PDE11A: variants seen among roughly 807,000 people sequenced by gnomAD.
PDE11A encodes dual 3',5'-cyclic-AMP and -GMP phosphodiesterase 11A.
A neutral mutation model predicts 100.5 loss-of-function variants in PDE11A; 100 were observed. The observed-to-expected ratio is 1.00, with a 90% CI of 0.85 to 1.18. The LOEUF is 1.18. Among genes scored for constraint, PDE11A ranks in the 50% most tolerant of loss-of-function variants. PDE11A has a pLI of 0.00. For synonymous variants in PDE11A, 381 were observed against 420.8 expected (o/e 0.91, Z 1.16); for missense variants, 1,141 against 1,152.6 (o/e 0.99, Z 0.15).
chr2:177,853,914 G>A (rs35699369), intron 5 of PDE11A, among the ~76,000 whole-genome samples: 8,957 of 142,784 alleles, frequency 0.063, 287 homozygotes, highest in South Asian at 0.092. Flanking sequence ...GTATATATGT[G>A]CATATATATG....
At chr2:177,910,799 C>CA (rs1419478718) in intron 2 of PDE11A, among the ~76,000 whole-genome samples, 3 of 152,006 alleles carry the variant, frequency 2.0e-5, no homozygotes, top group Middle Eastern at 3.2e-3. Context: ...TCAATGTACA[C>CA]AAAAAAAGAC....
chr2:177,785,293 G>C (rs2082516247), intron 9 of PDE11A, among the ~76,000 whole-genome samples: 1 of 129,522 alleles, frequency 7.7e-6, no homozygotes. Flanking sequence ...GCCCAGATAG[G>C]AGAGAACCAG....
intron 2 of PDE11A, chr2:177,998,473 C>A: frequency 5.9e-6 from 8 of 1,355,302 alleles, no homozygotes; most frequent in Non-Finnish European, 8.4e-6. Context: ...ATTAGTATAT[C>A]TGCCACTCGA....
intron 5 of PDE11A, among the ~76,000 whole-genome samples, chr2:177,855,962 ATGTC>A (rs2083826042): frequency 6.6e-6 from 1 of 150,784 alleles, no homozygotes; most frequent in African/African-American, 2.4e-5. Context: ...TACTGTAAGA[ATGTC>A]TGGGAAAGAA....
intron 4 of PDE11A, among the ~76,000 whole-genome samples, chr2:177,883,172 G>A (rs1574249201): frequency 6.6e-6 from 1 of 151,924 alleles, no homozygotes; most frequent in East Asian, 1.9e-4. Context: ...AGCAGGCTGA[G>A]GCAGGAGAAT....
In PDE11A at chr2:177,697,410, A is replaced by G; in HGVS notation, c.2267T>C (p.Leu756Pro). 1 of 1,581,076 alleles carries G rather than the reference A, an allele frequency of 6.3e-7. No individual in the cohort carries two copies. The highest frequency in any genetic ancestry group is 1.3e-5 in the African/African-American group (1 of 74,366). The change falls in exon 15 of 20, where the codon CTG becomes CCG. Residue 756 changes from leucine to proline, a missense_variant. By Grantham distance (98) the Leu-to-Pro change is moderately conservative. Transcript: ENST00000286063. ...QSEGHNIFAN[L>P]SSKEYSDLMQ... ...AAGGTCACTATATTCCTTGGAGGAC[A>G]GGTTAGCAAAGATATTGTGACCCTG...
chr2:178,011,577 G>A (rs2086274660), intron 2 of PDE11A, among the ~76,000 whole-genome samples: 1 of 152,140 alleles, frequency 6.6e-6, no homozygotes, highest in Non-Finnish European at 1.5e-5. Flanking sequence ...CAGCAACCTG[G>A]GAGGTCCACT....
At chr2:177,741,215 C>T (rs1412755187) in intron 10 of PDE11A, among the ~76,000 whole-genome samples, 2 of 152,156 alleles carry the variant, frequency 1.3e-5, no homozygotes, top group East Asian at 3.9e-4. Context: ...TTTGGTTTCT[C>T]TTGAGGTCTC....
At chr2:177,720,664 G>A (rs983755798) in intron 12 of PDE11A, among the ~76,000 whole-genome samples, 1 of 152,146 alleles carries the variant, frequency 6.6e-6, no homozygotes, top group Non-Finnish European at 1.5e-5. Flanking sequence ...AATGTAACAA[G>A]CCAATTGCAG....
intron 9 of PDE11A, among the ~76,000 whole-genome samples, chr2:177,773,366 TC>T (rs1164676416): frequency 6.6e-6 from 1 of 152,254 alleles, no homozygotes; most frequent in Non-Finnish European, 1.5e-5. Flanking sequence ...CCTCATGCTG[TC>T]TTCTACAAAC....
chr2:177,808,116 G>A (rs987537392), intron 9 of PDE11A, among the ~76,000 whole-genome samples: 21 of 152,280 alleles, frequency 1.4e-4, no homozygotes, highest in Middle Eastern at 3.4e-3. Flanking sequence ...GGGATGAAGC[G>A]AGATATTGAT....
intron 2 of PDE11A, among the ~76,000 whole-genome samples, chr2:178,079,065 TATTAAG>T (rs1238134662): frequency 2.6e-5 from 4 of 152,160 alleles, no homozygotes; most frequent in African/African-American, 9.7e-5. Flanking sequence ...CCATAACTAG[TATTAAG>T]ATTGAGAGTA....
intron 2 of PDE11A, among the ~76,000 whole-genome samples, chr2:177,990,992 T>TTAAA (rs986684342): frequency 6.6e-6 from 1 of 150,592 alleles, no homozygotes; most frequent in Non-Finnish European, 1.5e-5. Flanking sequence ...AGACTCCATC[T>TTAAA]TAAATAAATA....
At chr2:177,947,246 A>AG (rs1420853531) in intron 2 of PDE11A, among the ~76,000 whole-genome samples, 2 of 125,394 alleles carry the variant, frequency 1.6e-5, no homozygotes, top group African/African-American at 3.0e-5. Flanking sequence ...CTGCCCGGCC[A>AG]CCACCCCGTC....
At chr2:177,856,434 A>G (rs901290703) in intron 5 of PDE11A, among the ~76,000 whole-genome samples, 1 of 152,106 alleles carries the variant, frequency 6.6e-6, no homozygotes, top group Non-Finnish European at 1.5e-5. Flanking sequence ...AAAACAGTCA[A>G]TTGAAACTGT....
At chr2:177,938,209 G>C (rs1559015055) in intron 2 of PDE11A, among the ~76,000 whole-genome samples, 1 of 152,188 alleles carries the variant, frequency 6.6e-6, no homozygotes, top group African/African-American at 2.4e-5. Context: ...GGGACATGCT[G>C]CTTAGGATGC....
At chr2:177,719,880 A>AC (rs1475994355) in intron 12 of PDE11A, among the ~76,000 whole-genome samples, 1 of 149,968 alleles carries the variant, frequency 6.7e-6, no homozygotes, top group African/African-American at 2.5e-5. Flanking sequence ...CTTAACAACA[A>AC]AAAAAAAGGC....
At chr2:177,802,734 T>A (rs184562106) in intron 9 of PDE11A, among the ~76,000 whole-genome samples, 1 of 152,068 alleles carries the variant, frequency 6.6e-6, no homozygotes, top group Admixed American at 6.6e-5. Flanking sequence ...CTTTCTGGGG[T>A]GATAATATAT....
chr2:177,901,003 T>G (rs936326082), intron 3 of PDE11A, among the ~76,000 whole-genome samples: 2 of 152,224 alleles, frequency 1.3e-5, no homozygotes, highest in African/African-American at 4.8e-5. Flanking sequence ...GTTTATAGTT[T>G]ATTGTTTAAA....
Sources: gnomAD v4.1 joint callset for allele counts (sites outside exome capture counted in the v4.1 genomes callset) on GRCh38, gnomAD v4.1.1 for gene constraint, MANE v1.5 for transcripts, NCBI Gene and HGNC (gene_info 2026-07-23, HGNC 2026-07-21) for gene names.